Variants in PIK3C3 observed in about 807,000 individuals in gnomAD.
PIK3C3 encodes the protein phosphatidylinositol 3-kinase catalytic subunit type 3.
In PIK3C3, 95 loss-of-function variants were observed where a neutral mutation model predicts 126.1. The ratio of observed to expected loss-of-function variants is 0.75; its 90% confidence interval spans 0.64 to 0.89. The LOEUF is 0.89. PIK3C3 is among the 40% of genes least tolerant of loss of function. The probability of loss-of-function intolerance (pLI) is 0.00; values close to 1 mark genes in which losing one functional copy is unlikely to be tolerated. For synonymous variants in PIK3C3, 374 were observed against 360.0 expected (o/e 1.04, Z -0.44); for missense variants, 829 against 1,063.2 (o/e 0.78, Z 3.06).
intron 5 of PIK3C3, among the ~76,000 whole-genome samples, chr18:41,988,809 T>G (rs1981626091): frequency 6.6e-6 from 1 of 152,144 alleles, no homozygotes; most frequent in African/African-American, 2.4e-5. Flanking sequence ...ATACATAAAC[T>G]GGAAGGAAGC....
At chr18:42,004,586 T>A in intron 10 of PIK3C3, 45 bp downstream of exon 10, 1 of 1,425,038 alleles carries the variant, frequency 7.0e-7, no homozygotes, top group Non-Finnish European at 9.6e-7. Flanking sequence ...CATTTTAAAC[T>A]AGAGCCTAAT....
At chr18:42,005,610 G>A (rs1179630303) in intron 10 of PIK3C3, among the ~76,000 whole-genome samples, 1 of 152,118 alleles carries the variant, frequency 6.6e-6, no homozygotes, top group Non-Finnish European at 1.5e-5. Flanking sequence ...AGTACTTTAT[G>A]GGATGTGGAG....
intron 2 of PIK3C3, among the ~76,000 whole-genome samples, chr18:41,961,031 C>G (rs974259941): frequency 6.6e-6 from 1 of 152,102 alleles, no homozygotes; most frequent in Non-Finnish European, 1.5e-5. Flanking sequence ...CAAAAGAACT[C>G]TTCTGCAGAA....
chr18:41,997,124 T>C lies in PIK3C3; in HGVS notation c.984+394T>C, dbSNP rs200074103. ...GGTAGAGTATCTGGTGCATAGTAGGTGCAGAGTAAATGCTGGTTCTCTTCT... is the reference window on the plus strand; with the variant it reads ...GGTAGAGTATCTGGTGCATAGTAGGCGCAGAGTAAATGCTGGTTCTCTTCT... On this transcript the variant is annotated intron_variant, in intron 9 of 24. Transcript: ENST00000262039. Among the ~76,000 whole-genome samples, 7 of 152,250 alleles carry C rather than the reference T, an allele frequency of 4.6e-5. 1 individual carries two copies. The East Asian group carries it at 9.7e-4, about 21-fold the overall frequency.
Position 42,082,388 on chromosome 18 carries a change from A to G in PIK3C3, c.*1251A>G, listed in dbSNP as rs1986280619. The G allele has an allele frequency of 1.3e-5, 2 of 152,156 alleles. No individual in the cohort carries two copies. The highest frequency in any genetic ancestry group is 2.9e-5 in the Non-Finnish European group (2 of 68,040). The allele number at this position is 152,156 out of a possible 1,614,324, so 9.4% of individuals were successfully genotyped here. A position where few individuals can be genotyped will look rare whatever the true frequency, so the allele number is the denominator to read the frequency against. ...GTTACCGGCGAGAGGGCAAGCATGT[A>G]ATTAAGAGACACTCTAGAGGCATAT... On this transcript the variant is annotated 3_prime_UTR_variant, in exon 25 of 25. Coordinates refer to ENST00000262039, the MANE Select transcript of PIK3C3 (RefSeq NM_002647.4).
At chr18:41,988,421 G>C (rs1310460346) in intron 5 of PIK3C3, among the ~76,000 whole-genome samples, 1 of 152,118 alleles carries the variant, frequency 6.6e-6, no homozygotes, top group Non-Finnish European at 1.5e-5. Context: ...GCTTCAATGA[G>C]AGTCCTGCCA....
rs144065159 is a variant in PIK3C3 at position 42,016,140 on chromosome 18, A to C, written c.1416+574A>C. On this transcript the variant is annotated intron_variant, in intron 12 of 24. Coordinates refer to ENST00000262039, the MANE Select transcript of PIK3C3 (RefSeq NM_002647.4). ...CTCTGATGTTGAAAACAAGTAACAC[A>C]TGTTTTATTATTAGAACAGTTCAAG... Among the ~76,000 whole-genome samples the C allele has an allele frequency of 8.5e-5, 13 of 152,228 alleles. No individual in the cohort carries two copies. In the East Asian group the frequency reaches 2.5e-3, roughly 29 times the overall value.
At chr18:42,000,185 C>G (rs1009465075) in intron 9 of PIK3C3, among the ~76,000 whole-genome samples, 1 of 152,096 alleles carries the variant, frequency 6.6e-6, no homozygotes, top group Non-Finnish European at 1.5e-5. Flanking sequence ...TCCCAAGTAG[C>G]TGGGATTGCA....
At position 42,065,022 on chromosome 18, in the gene PIK3C3, G is replaced by A. The variant is rs533527436; in HGVS notation, c.2523+192G>A. On this transcript the variant is annotated intron_variant, in intron 23 of 24. Transcript: ENST00000262039. ...CCAGCCCTGCAGTCACAGGGAGGAG[G>A]AAGCAGCAGCCCAAAGCTTAAAGAA... Among the ~76,000 whole-genome samples, 35 of 152,256 alleles carry A rather than the reference G, an allele frequency of 2.3e-4. No individual in the cohort carries two copies. In the South Asian group the frequency reaches 7.0e-3, roughly 31 times the overall value.
At position 41,956,402 on chromosome 18, in the gene PIK3C3, A is replaced by G. The variant is rs74412122; in HGVS notation, c.68+1043A>G. ...TACACTCATTTAAGGTATTTTCCAT[A>G]GCATACACCACTAGTAGTTTATACA... On this transcript the variant is annotated intron_variant, in intron 1 of 24. Transcript: ENST00000262039. Among the ~76,000 whole-genome samples the G allele has an allele frequency of 7.0e-3, 1,066 of 152,264 alleles. 13 individuals carry two copies. The highest frequency in any genetic ancestry group is 0.023 in the African/African-American group (944 of 41,546).
chr18:41,993,417 CT>C, intron 7 of PIK3C3, 76 bp downstream of exon 7: 1 of 930,298 alleles, frequency 1.1e-6, no homozygotes, highest in South Asian at 1.4e-5. Context: ...CATGTACTTT[CT>C]TTAAACAAAG....
At chr18:41,991,967 C>T (rs1981800219) in intron 6 of PIK3C3, among the ~76,000 whole-genome samples, 1 of 151,982 alleles carries the variant, frequency 6.6e-6, no homozygotes, top group Non-Finnish European at 1.5e-5. Context: ...ATTTTCTGCC[C>T]ATATAGAGTT....
intron 15 of PIK3C3, among the ~76,000 whole-genome samples, chr18:42,030,915 G>T (rs1393791531): frequency 6.6e-6 from 1 of 152,124 alleles, no homozygotes; most frequent in African/African-American, 2.4e-5. Context: ...CTCTTCTGGA[G>T]GCTGACCACC....
chr18:42,079,825 TCTTCAAAAGC>T (rs1209879687), intron 24 of PIK3C3, among the ~76,000 whole-genome samples: 1 of 152,182 alleles, frequency 6.6e-6, no homozygotes, highest in African/African-American at 2.4e-5. Context: ...ACCCTTATCA[TCTTCAAAAGC>T]CTTCAAAAAG....
At chr18:41,955,518 A>C in intron 1 of PIK3C3, 159 bp downstream of exon 1, 1 of 611,418 alleles carries the variant, frequency 1.6e-6, no homozygotes, top group Non-Finnish European at 2.9e-6. Flanking sequence ...GAGAGAGTGG[A>C]TCGTGGAGAG....
rs570399698 is a variant in PIK3C3, at chr18:41,998,164, A to G, written c.984+1434A>G. ...TGATGCCTTAGGAAATTCTTTGTAAATGAATCATATTTATTCTCCTTTATA... is the reference window on the plus strand; with the variant it reads ...TGATGCCTTAGGAAATTCTTTGTAAGTGAATCATATTTATTCTCCTTTATA... On this transcript the variant is annotated intron_variant, in intron 9 of 24. Transcript: ENST00000262039. 4.6e-5 allele frequency among the ~76,000 whole-genome samples: 7 copies of G among 152,256 alleles called. No individual in the cohort carries two copies. The South Asian group carries it at 1.4e-3, about 32-fold the overall frequency.
chr18:41,990,547 A>G lies in PIK3C3; in HGVS notation c.707A>G (p.Tyr236Cys). The G allele has an allele frequency of 6.5e-7, 1 of 1,536,180 alleles. No individual in the cohort carries two copies. Among genetic ancestry groups the G allele is most frequent in the Non-Finnish European group, 9.0e-7 (1 of 1,110,304 alleles). Reference protein sequence around the residue: ...CDDKEYGIVYYEKDGDESSPI... With the variant: ...CDDKEYGIVYCEKDGDESSPI... ...GATAAGGAATATGGTATTGTTTATT[A>G]TGAAAAGGTATTTCCCTTGGAACTG... Residue 236 changes from tyrosine (Y) to cysteine (C), a missense_variant, in exon 6 of 25, where the codon TAT becomes TGT. By Grantham distance (194) the Tyr-to-Cys change is radical. This residue lies in a region of PIK3C3 where 313 missense variants were observed against 340.7 expected (regional missense o/e 0.92). Transcript: ENST00000262039.
At chr18:42,033,682 C>G in intron 15 of PIK3C3, 144 bp from the exon 16 acceptor site, 1 of 511,044 alleles carries the variant, frequency 2.0e-6, no homozygotes, top group East Asian at 3.7e-5. Flanking sequence ...GCTTGTCTCT[C>G]ACATACAACA....
Position 41,990,445 on chromosome 18 carries a change from A to G in PIK3C3, c.619-14A>G, listed in dbSNP as rs993239249. On this transcript the variant is annotated splice_polypyrimidine_tract_variant and intron_variant, in intron 5 of 24. Transcript: ENST00000262039. ...AAAATAATCATTTTTCATGAAAATC[A>G]TTTTTTTTTTCAGAGTGAAAAACGA... 3 of 1,323,726 alleles carry G rather than the reference A, an allele frequency of 2.3e-6. No homozygotes were observed. Among genetic ancestry groups the G allele is most frequent in the Non-Finnish European group, 3.2e-6 (3 of 937,718 alleles). The allele number at this position is 1,323,726 out of a possible 1,614,324, so 82.0% of individuals were successfully genotyped here.
Sources: allele counts gnomAD v4.1 joint callset (sites outside exome capture counted in the v4.1 genomes callset), GRCh38; gene constraint gnomAD v4.1.1; regional missense constraint gnomAD v4.1.1; transcripts MANE v1.5; gene names NCBI Gene and HGNC (gene_info 2026-07-23, HGNC 2026-07-21).